The following KLHL29 variants were observed in gnomAD, a reference collection of about 807,000 sequenced individuals.
KLHL29 encodes kelch-like protein 29.
Under a neutral mutation model 80.4 loss-of-function variants are expected in KLHL29, and 21 were observed. That is an observed-to-expected ratio of 0.26 (90% CI 0.19 to 0.38). KLHL29 has a LOEUF of 0.38. Ranked by LOEUF, KLHL29 falls within the 10% of genes least tolerant of loss-of-function variation. KLHL29 has a pLI of 1.00. For synonymous variants in KLHL29, 511 were observed against 526.8 expected (o/e 0.97, Z 0.41); for missense variants, 867 against 1,223.9 (o/e 0.71, Z 4.35).
At position 23,553,105 on chromosome 2, in the gene KLHL29, C is replaced by G. The variant is rs117033675; in HGVS notation, c.-45-9047C>G. On this transcript the variant is annotated intron_variant, in intron 2 of 13. Coordinates refer to ENST00000486442, the MANE Select transcript of KLHL29 (RefSeq NM_052920.2). ...GACTTGTCAAATCCCTGCCTCCCCTCTTTCCCCAGCCTGGAGATCCTGGTA... is the reference window on the plus strand; with the variant it reads ...GACTTGTCAAATCCCTGCCTCCCCTGTTTCCCCAGCCTGGAGATCCTGGTA... Among the ~76,000 whole-genome samples the G allele has an allele frequency of 3.3e-5, 5 of 152,218 alleles. No homozygotes were observed. In the East Asian group the frequency reaches 7.7e-4, roughly 23 times the overall value.
At chr2:23,523,199 C>G (rs1291139809) in intron 2 of KLHL29, among the ~76,000 whole-genome samples, 2 of 152,190 alleles carry the variant, frequency 1.3e-5, no homozygotes, top group Middle Eastern at 3.2e-3. Flanking sequence ...GGGTGCCTGT[C>G]AGCGGCAGCA....
chr2:23,480,219 G>A (rs1039691897), intron 2 of KLHL29, among the ~76,000 whole-genome samples: 3 of 152,228 alleles, frequency 2.0e-5, no homozygotes, highest in Non-Finnish European at 2.9e-5. Flanking sequence ...GGCCGTGGTG[G>A]CTCACGCCTG....
intron 2 of KLHL29, among the ~76,000 whole-genome samples, chr2:23,491,026 A>G (rs1267737894): frequency 6.6e-6 from 1 of 152,122 alleles, no homozygotes; most frequent in African/African-American, 2.4e-5. Flanking sequence ...ACAGGTATAC[A>G]TGTGCCATGG....
At chr2:23,460,299 G>A (rs1664175311) in intron 1 of KLHL29, among the ~76,000 whole-genome samples, 1 of 152,094 alleles carries the variant, frequency 6.6e-6, no homozygotes, top group South Asian at 2.1e-4. Context: ...GTGTTCACGG[G>A]GCTTATAGTT....
chr2:23,585,407 A>G (rs1217449004), intron 3 of KLHL29, among the ~76,000 whole-genome samples: 2 of 152,028 alleles, frequency 1.3e-5, no homozygotes, highest in African/African-American at 4.8e-5. Flanking sequence ...GATTATACCT[A>G]CTCCTGGGTC....
intron 4 of KLHL29, among the ~76,000 whole-genome samples, chr2:23,640,265 G>T (rs1175943952): frequency 6.6e-6 from 1 of 152,316 alleles, no homozygotes; most frequent in Non-Finnish European, 1.5e-5. Flanking sequence ...ACCTGGTCTT[G>T]TCTTCCACGT....
rs1670657077 is a variant in KLHL29, at chr2:23,669,732, G to C, written c.941-14667G>C. Among the ~76,000 whole-genome samples, 1 of 152,124 alleles carries C rather than the reference G, an allele frequency of 6.6e-6. No individual in the cohort carries two copies. The highest frequency in any genetic ancestry group is 2.4e-5 in the African/African-American group (1 of 41,412). ...AGTCAGCCTCTGAGCACAGTGGCCG[G>C]TGCCCAGCTCATTTAGAGCTGAGGC... is the stretch of plus-strand genomic sequence containing the variant. On this transcript the variant is annotated intron_variant, in intron 5 of 13. Coordinates refer to ENST00000486442, the MANE Select transcript of KLHL29 (RefSeq NM_052920.2). This position sits in a 1 kb window ranked among gnomAD's most constrained non-coding sequence, Gnocchi z 4.3.
intron 5 of KLHL29, among the ~76,000 whole-genome samples, chr2:23,663,618 T>C (rs774372918): frequency 2.9e-4 from 44 of 152,246 alleles, no homozygotes; most frequent in Non-Finnish European, 6.2e-4. Flanking sequence ...GCTTTTGATT[T>C]CCGGAGTGAT....
chr2:23,704,773 A>G lies in KLHL29; in HGVS notation c.2444+910A>G, dbSNP rs1572540915. ...CAGGAAAAGACTCCGTCTCACAAAA[A>G]AGAAGGGGCCTCAGAAACCTCATTG... On this transcript the variant is annotated intron_variant, in intron 13 of 13. Coordinates refer to ENST00000486442, the MANE Select transcript of KLHL29 (RefSeq NM_052920.2). Among the ~76,000 whole-genome samples the G allele has an allele frequency of 2.6e-5, 4 of 152,168 alleles. No individual in the cohort carries two copies. The South Asian group carries it at 8.3e-4, about 32-fold the overall frequency.
intron 5 of KLHL29, among the ~76,000 whole-genome samples, chr2:23,653,370 G>C (rs1670139172): frequency 6.6e-6 from 1 of 152,220 alleles, no homozygotes; most frequent in Non-Finnish European, 1.5e-5. Flanking sequence ...TCCTCCCACA[G>C]ACCAAGAACT....
chr2:23,651,894 C>T (rs137900018), intron 5 of KLHL29, among the ~76,000 whole-genome samples: 7 of 152,238 alleles, frequency 4.6e-5, no homozygotes, highest in South Asian at 4.2e-4. Context: ...GACAGCAGTC[C>T]GACTGGGTTA....
intron 1 of KLHL29, among the ~76,000 whole-genome samples, chr2:23,453,743 T>G (rs1663957656): frequency 6.6e-6 from 1 of 152,232 alleles, no homozygotes; most frequent in Non-Finnish European, 1.5e-5. Flanking sequence ...AAGGTCACCT[T>G]ATATGAATAT....
intron 2 of KLHL29, among the ~76,000 whole-genome samples, chr2:23,499,647 C>CT (rs1466631974): frequency 3.3e-5 from 5 of 152,202 alleles, no homozygotes; most frequent in Non-Finnish European, 7.3e-5. Flanking sequence ...GGAGAAAGGT[C>CT]TTCAGCCCCT....
intron 3 of KLHL29, among the ~76,000 whole-genome samples, chr2:23,578,202 C>G (rs1395154498): frequency 6.6e-6 from 1 of 152,192 alleles, no homozygotes; most frequent in African/African-American, 2.4e-5. Context: ...CCGTCAGTCG[C>G]TTAGCCAACC....
chr2:23,703,005 G>A (rs1160326059), intron 11 of KLHL29, among the ~76,000 whole-genome samples, 181 bp from the exon 12 acceptor site: 1 of 152,238 alleles, frequency 6.6e-6, no homozygotes, highest in African/African-American at 2.4e-5. Context: ...GGGCTAGTTT[G>A]GACGAGACCC....
chr2:23,552,761 C>CTTTTTTTTTT (rs60558023), intron 2 of KLHL29, among the ~76,000 whole-genome samples: 5,409 of 95,024 alleles, frequency 0.057, 1,104 homozygotes, highest in African/African-American at 0.18. Flanking sequence ...GGTTTCTTTT[C>CTTTTTTTTTT]TTTTTTTTTT....
At chr2:23,704,824 C>T (rs989813023) in intron 13 of KLHL29, among the ~76,000 whole-genome samples, 4 of 152,204 alleles carry the variant, frequency 2.6e-5, no homozygotes, top group African/African-American at 9.7e-5. Context: ...CAGATGCTTC[C>T]TGAAGACATC....
chr2:23,435,179 G>C (rs1421443270), intron 1 of KLHL29, among the ~76,000 whole-genome samples: 2 of 152,178 alleles, frequency 1.3e-5, no homozygotes, highest in African/African-American at 4.8e-5. Flanking sequence ...TGGTGCCATG[G>C]AGACGGGGAA....
chr2:23,638,599 G>A (rs1157431521), intron 3 of KLHL29, among the ~76,000 whole-genome samples: 4 of 152,210 alleles, frequency 2.6e-5, no homozygotes, highest in Non-Finnish European at 5.9e-5. Context: ...GGGCCTCAGA[G>A]GCTGGTGTGG....
Sources: gnomAD v4.1 joint callset for allele counts (sites outside exome capture counted in the v4.1 genomes callset) on GRCh38, gnomAD v4.1.1 for gene constraint, Gnocchi (gnomAD v3.1) non-coding constraint, MANE v1.5 for transcripts, NCBI Gene and HGNC (gene_info 2026-07-23, HGNC 2026-07-21) for gene names.